The following SMAD7 variants were observed in gnomAD, a reference collection of about 807,000 sequenced individuals.
SMAD7 encodes the protein SMAD family member 7, also known as MAD (mothers against decapentaplegic, Drosophila) homolog 7.
A neutral mutation model predicts 38.7 loss-of-function variants in SMAD7; 8 were observed. That is an observed-to-expected ratio of 0.21 (90% confidence interval 0.12 to 0.37). The LOEUF (loss-of-function observed/expected upper bound fraction) is 0.37, where lower values mean the gene tolerates loss of function less well. Among genes scored for constraint, SMAD7 ranks in the 10% least tolerant of loss-of-function variants. The pLI, the probability that SMAD7 is intolerant of heterozygous loss-of-function variation, is 1.00. For missense variants in SMAD7, 477 were observed against 577.9 expected (o/e 0.83, Z 1.79); for synonymous variants, 327 against 265.1 (o/e 1.23, Z -2.27).
intron 2 of SMAD7, among the ~76,000 whole-genome samples, chr18:48,947,850 G>A (rs906172387): frequency 6.6e-6 from 1 of 151,900 alleles, no homozygotes; most frequent in African/African-American, 2.4e-5. Context: ...AGAAAACCCC[G>A]GGAGAGGACT....
At chr18:48,934,818 G>A (rs746144875) in intron 3 of SMAD7, among the ~76,000 whole-genome samples, 12 of 151,364 alleles carry the variant, frequency 7.9e-5, no homozygotes, top group Non-Finnish European at 1.6e-4. Flanking sequence ...CCGTTTCTCA[G>A]CCACTACCTT....
At chr18:48,926,139 A>T (rs1568298403) in intron 3 of SMAD7, among the ~76,000 whole-genome samples, 1 of 152,176 alleles carries the variant, frequency 6.6e-6, no homozygotes, top group Non-Finnish European at 1.5e-5. Context: ...CCTCAACAAT[A>T]CCATTCTCCA....
At chr18:48,943,765 C>T (rs7227684) in intron 2 of SMAD7, among the ~76,000 whole-genome samples, 11,441 of 152,202 alleles carry the variant, frequency 0.075, 563 homozygotes, top group East Asian at 0.26. Context: ...AAAGAGCAGA[C>T]GGGCAAGTAG....
chr18:48,930,843 C>T (rs1020470912), intron 3 of SMAD7, among the ~76,000 whole-genome samples: 5 of 152,268 alleles, frequency 3.3e-5, no homozygotes, highest in East Asian at 1.9e-4. Context: ...CTGAAAGCGG[C>T]GACTCCAGTG....
chr18:48,947,502 T>C (rs1288358360), intron 2 of SMAD7, among the ~76,000 whole-genome samples: 4 of 152,210 alleles, frequency 2.6e-5, no homozygotes, highest in Non-Finnish European at 5.9e-5. Context: ...TTAATGTTTT[T>C]TTCAGGCACC....
chr18:48,941,130 TCTTTC>T (rs1314180088), intron 3 of SMAD7, among the ~76,000 whole-genome samples: 1 of 152,138 alleles, frequency 6.6e-6, no homozygotes, highest in Non-Finnish European at 1.5e-5. Flanking sequence ...TGGCCTTCTT[TCTTTC>T]AAGAACTCTC....
At chr18:48,944,374 T>C (rs1370433037) in intron 2 of SMAD7, among the ~76,000 whole-genome samples, 4 of 152,330 alleles carry the variant, frequency 2.6e-5, no homozygotes, top group African/African-American at 9.6e-5. Context: ...TGTCAGCCCA[T>C]CTCAGATCAA....
In SMAD7 at chr18:48,920,971, T is replaced by A. The variant is rs571503155; in HGVS notation, c.*401A>T. Reference sequence around the variant, plus strand: ...TAAGAGACACAAAACAAAGAGCACGTTGTCTCCCCATCTGCCGCTCCTGCA... The same window carrying A: ...TAAGAGACACAAAACAAAGAGCACGATGTCTCCCCATCTGCCGCTCCTGCA... On this transcript the variant is annotated 3_prime_UTR_variant, in exon 4 of 4. Transcript: ENST00000262158. 1.1e-5 allele frequency: 2 copies of A among 185,438 alleles called. No homozygotes were observed. The highest frequency in any genetic ancestry group is 2.2e-5 in the Non-Finnish European group (2 of 89,196). The allele number at this position is 185,438 out of a possible 1,614,324, so 11.5% of individuals were successfully genotyped here.
chr18:48,930,904 T>C (rs1478169948), intron 3 of SMAD7, among the ~76,000 whole-genome samples: 1 of 152,096 alleles, frequency 6.6e-6, no homozygotes, highest in Non-Finnish European at 1.5e-5. Context: ...AGCCAAAAGG[T>C]AGAAGCAAGC....
At chr18:48,927,191 T>TTTCTG (rs2069938720) in intron 3 of SMAD7, among the ~76,000 whole-genome samples, 1 of 152,182 alleles carries the variant, frequency 6.6e-6, no homozygotes, top group African/African-American at 2.4e-5. Flanking sequence ...ATGTTTCAGG[T>TTTCTG]AAACTGCGAG....
Position 48,949,936 on chromosome 18 carries a change from G to A in SMAD7, c.489C>T (p.Phe163=). 6.2e-7 allele frequency: 1 copy of A among 1,613,482 alleles called. No individual in the cohort carries two copies. Among genetic ancestry groups the A allele is most frequent in the South Asian group, 1.1e-5 (1 of 91,054 alleles). The change falls in exon 1 of 4, where the codon TTC becomes TTT. Residue 163 remains phenylalanine, a synonymous_variant. Transcript: ENST00000262158. The stretch of plus-strand genomic sequence containing the variant: ...AGGAATGCCTGAGATCCGGCCACCT[G>A]AACACTTTGCACAGCAGGAGGGGGA... ...YSLPLLLCKV[F]RWPDLRHSSE...
Position 48,950,371 on chromosome 18 carries a change from C to T in SMAD7, c.54G>A (p.Ala18=), listed in dbSNP as rs1483912364. Residue 18 remains alanine, a synonymous_variant, in exon 1 of 4, where the codon GCG becomes GCA. Coordinates refer to ENST00000262158, the MANE Select transcript of SMAD7 (RefSeq NM_005904.4). ...CCTCCTCCTCGTCCTCGCCGCCGGG[C>T]GCACGGCTCCTCCAGAGACGCCGGA... ...ALVRRLWRSR[A]PGGEDEEEGA... The T allele has an allele frequency of 2.6e-6, 4 of 1,542,970 alleles. No homozygotes were observed. Among genetic ancestry groups the T allele is most frequent in the Non-Finnish European group, 1.7e-6 (2 of 1,144,226 alleles).
In SMAD7 at chr18:48,950,420, A is replaced by G. The variant is rs1359051343; in HGVS notation, c.5T>C (p.Phe2Ser). Residue 2 changes from phenylalanine (F) to serine (S), a missense_variant, in exon 1 of 4, where the codon TTC becomes TCC. Coordinates refer to ENST00000262158, the MANE Select transcript of SMAD7 (RefSeq NM_005904.4). M[F>S]RTKRSALVRR... is the part of the protein sequence containing the mutation. ...GACGAGCGCAGATCGTTTGGTCCTGAACATGCGGGGCGAGGAGGCGAGGAG... is the reference window on the plus strand; with the variant it reads ...GACGAGCGCAGATCGTTTGGTCCTGGACATGCGGGGCGAGGAGGCGAGGAG... 7.7e-6 allele frequency: 12 copies of G among 1,549,882 alleles called. No individual in the cohort carries two copies. The highest frequency in any genetic ancestry group is 9.6e-6 in the Non-Finnish European group (11 of 1,150,126).
intron 1 of SMAD7, chr18:48,949,458 A>AC (rs143990243): frequency 0.044 from 7,646 of 172,708 alleles, 236 homozygotes; most frequent in Non-Finnish European, 0.059. Context: ...GGGAGGCGTG[A>AC]CCCCCCCACC....
At chr18:48,949,180 T>G in intron 1 of SMAD7, 1 of 532,294 alleles carries the variant, frequency 1.9e-6, no homozygotes, top group Non-Finnish European at 2.4e-6. Flanking sequence ...CTCCTGCCTG[T>G]TTGTTCCTCT....
intron 3 of SMAD7, among the ~76,000 whole-genome samples, chr18:48,927,485 C>G (rs12968048): frequency 0.056 from 8,534 of 152,200 alleles, 566 homozygotes; most frequent in African/African-American, 0.16. Flanking sequence ...GAACCCCCGC[C>G]CCTGTGCCAA....
chr18:48,946,713 T>C (rs141948842), intron 2 of SMAD7, among the ~76,000 whole-genome samples: 1 of 152,306 alleles, frequency 6.6e-6, no homozygotes, highest in East Asian at 1.9e-4. Flanking sequence ...TTACACACAT[T>C]TTGCTACCTA....
At chr18:48,938,558 C>G (rs114116841) in intron 3 of SMAD7, among the ~76,000 whole-genome samples, 3,114 of 152,280 alleles carry the variant, frequency 0.02, 104 homozygotes, top group African/African-American at 0.071. Flanking sequence ...GAGGCCCAGC[C>G]AGCTCCAGAC....
intron 3 of SMAD7, among the ~76,000 whole-genome samples, chr18:48,929,206 T>TA (rs1190200917): frequency 6.6e-6 from 1 of 152,168 alleles, no homozygotes; most frequent in Admixed American, 6.5e-5. Context: ...TTCCCACTGT[T>TA]ACCCCCCAAG....
Sources: gnomAD v4.1 joint callset for allele counts (sites outside exome capture counted in the v4.1 genomes callset) on GRCh38, gnomAD v4.1.1 for gene constraint, MANE v1.5 for transcripts, NCBI Gene and HGNC (gene_info 2026-07-23, HGNC 2026-07-21) for gene names.